Variants in GPATCH2 observed in about 807,000 individuals in gnomAD.
GPATCH2 encodes G patch domain-containing protein 2.
A neutral mutation model predicts 58.0 loss-of-function variants in GPATCH2; 51 were observed. The ratio of observed to expected loss-of-function variants is 0.88; its 90% confidence interval spans 0.70 to 1.11. GPATCH2 has a LOEUF of 1.11. Ranked by LOEUF, GPATCH2 falls within the 50% of genes most tolerant of loss-of-function variation. The pLI, the probability that GPATCH2 is intolerant of heterozygous loss-of-function variation, is 0.00. For synonymous variants in GPATCH2, 222 were observed against 218.5 expected, an observed-to-expected ratio of 1.02 and a Z score of -0.14; for missense variants, 625 against 652.2, an observed-to-expected ratio of 0.96 and a Z score of 0.45.
At chr1:217,452,347 T>C (rs1347732897) in intron 8 of GPATCH2, among the ~76,000 whole-genome samples, 2 of 152,212 alleles carry the variant, frequency 1.3e-5, no homozygotes, top group East Asian at 3.8e-4. Flanking sequence ...TGATTTCAGA[T>C]ACTTTTAAAG....
intron 8 of GPATCH2, among the ~76,000 whole-genome samples, chr1:217,473,600 A>C (rs1003080291): frequency 6.6e-6 from 1 of 152,050 alleles, no homozygotes; most frequent in African/African-American, 2.4e-5. Context: ...CTAAGATAAA[A>C]CTTCATAGCA....
At chr1:217,469,910 T>C (rs888886832) in intron 8 of GPATCH2, among the ~76,000 whole-genome samples, 2 of 152,190 alleles carry the variant, frequency 1.3e-5, no homozygotes, top group Non-Finnish European at 2.9e-5. Context: ...AATATTAATT[T>C]CTACAGTGAT....
At chr1:217,548,313 A>C (rs1466268358) in intron 5 of GPATCH2, among the ~76,000 whole-genome samples, 1 of 152,126 alleles carries the variant, frequency 6.6e-6, no homozygotes, top group Non-Finnish European at 1.5e-5. Context: ...TGGGTACTAG[A>C]TGTAATACCT....
chr1:217,511,197 C>G (rs1662832139), intron 6 of GPATCH2, among the ~76,000 whole-genome samples: 1 of 152,114 alleles, frequency 6.6e-6, no homozygotes, highest in Non-Finnish European at 1.5e-5. Flanking sequence ...TCATTAAATT[C>G]AATCCCTCCA....
intron 5 of GPATCH2, among the ~76,000 whole-genome samples, chr1:217,590,461 T>C (rs572043665): frequency 6.6e-6 from 1 of 152,302 alleles, no homozygotes; most frequent in East Asian, 1.9e-4. Context: ...TCTACCACCT[T>C]AAGGTTGCAT....
chr1:217,466,406 G>A (rs1660450288), intron 8 of GPATCH2, among the ~76,000 whole-genome samples: 1 of 151,846 alleles, frequency 6.6e-6, no homozygotes, highest in African/African-American at 2.4e-5. Flanking sequence ...CTTCCTTTTT[G>A]TGGAGAATGG....
In GPATCH2 at chr1:217,454,981, A is replaced by G. The variant is rs2102478581; in HGVS notation, c.1278-5644T>C. Among the ~76,000 whole-genome samples, 2 of 152,042 alleles carry G rather than the reference A, an allele frequency of 1.3e-5. 1 individual carries two copies. On this transcript the variant is annotated intron_variant, in intron 8 of 9. Coordinates refer to ENST00000366935, the MANE Select transcript of GPATCH2 (RefSeq NM_018040.5). ...CTTTCAAAGCAGCTTTTTGTGCATG[A>G]TCTCTTTGGACATTCATAGCAACCC...
chr1:217,547,046 CT>C (rs1287579041), intron 5 of GPATCH2, among the ~76,000 whole-genome samples: 1 of 152,070 alleles, frequency 6.6e-6, no homozygotes, highest in African/African-American at 2.4e-5. Context: ...CAATGAGATA[CT>C]ATCTCACACC....
chr1:217,476,093 C>T (rs1488614709), intron 8 of GPATCH2, among the ~76,000 whole-genome samples: 2 of 151,336 alleles, frequency 1.3e-5, no homozygotes, highest in Non-Finnish European at 2.9e-5. Flanking sequence ...GCACATAGAA[C>T]AAAAAGCAAA....
chr1:217,494,700 C>T (rs192897377), intron 7 of GPATCH2, among the ~76,000 whole-genome samples: 7 of 151,848 alleles, frequency 4.6e-5, no homozygotes, highest in East Asian at 1.9e-4. Context: ...GCCGAGATTG[C>T]GCCACTGCAC....
chr1:217,435,531 C>T (rs1658782766), intron 9 of GPATCH2, among the ~76,000 whole-genome samples: 1 of 152,226 alleles, frequency 6.6e-6, no homozygotes, highest in African/African-American at 2.4e-5. Context: ...GTGACACATG[C>T]TGCTTCCCAT....
chr1:217,490,688 T>C (rs2818974), intron 8 of GPATCH2, among the ~76,000 whole-genome samples: 1 of 152,074 alleles, frequency 6.6e-6, no homozygotes, highest in African/African-American at 2.4e-5. Flanking sequence ...TTTTATGGTG[T>C]TTTGTTGCTT....
chr1:217,631,026 T>C lies in GPATCH2; in HGVS notation c.-55A>G. 6.7e-7 allele frequency: 1 copy of C among 1,487,996 alleles called. No homozygotes were observed. The highest frequency in any genetic ancestry group is 1.2e-5 in the South Asian group (1 of 84,362). 92.2% of individuals were successfully genotyped at this position (1,487,996 alleles called of 1,614,324 possible). A position where few individuals can be genotyped will look rare whatever the true frequency, so the allele number is the denominator to read the frequency against. ...CTCAGGCCCGTGAACAGACTCCAAC[T>C]ACAACAGCACCGGCGACTTCCAAAG... is the stretch of plus-strand genomic sequence containing the variant. On this transcript the variant is annotated 5_prime_UTR_variant, in exon 1 of 10. Coordinates refer to ENST00000366935, the MANE Select transcript of GPATCH2 (RefSeq NM_018040.5).
At chr1:217,606,961 G>A (rs563325334) in intron 5 of GPATCH2, among the ~76,000 whole-genome samples, 3 of 151,936 alleles carry the variant, frequency 2.0e-5, no homozygotes, top group Non-Finnish European at 4.4e-5. Flanking sequence ...AAGTATTGTT[G>A]GTATTAAACA....
At chr1:217,571,968 G>GGAAA (rs1297188328) in intron 5 of GPATCH2, among the ~76,000 whole-genome samples, 5 of 129,020 alleles carry the variant, frequency 3.9e-5, no homozygotes, top group African/African-American at 6.1e-5. Flanking sequence ...AAGGAAGGAA[G>GGAAA]GAAAGAAAGA....
chr1:217,563,074 G>C (rs1325790887), intron 5 of GPATCH2, among the ~76,000 whole-genome samples: 1 of 152,162 alleles, frequency 6.6e-6, no homozygotes, highest in Non-Finnish European at 1.5e-5. Flanking sequence ...CCAGTTGTCT[G>C]ATATTTATTC....
At chr1:217,494,659 G>A (rs989483774) in intron 7 of GPATCH2, among the ~76,000 whole-genome samples, 4 of 152,096 alleles carry the variant, frequency 2.6e-5, no homozygotes, top group African/African-American at 7.2e-5. Context: ...CATGAGAATC[G>A]TTTGAACTCG....
intron 5 of GPATCH2, among the ~76,000 whole-genome samples, chr1:217,557,768 T>C (rs1665717758): frequency 6.6e-6 from 1 of 152,224 alleles, no homozygotes; most frequent in Admixed American, 6.5e-5. Flanking sequence ...CTTGTTCTGT[T>C]CCACTTGTTT....
At chr1:217,477,688 G>A (rs542577034) in intron 8 of GPATCH2, among the ~76,000 whole-genome samples, 51 of 152,310 alleles carry the variant, frequency 3.3e-4, no homozygotes, top group Non-Finnish European at 5.3e-4. Flanking sequence ...GGGGAGGAAA[G>A]AGTGGGAAGG....
Sources: allele counts gnomAD v4.1 joint callset (sites outside exome capture counted in the v4.1 genomes callset), GRCh38; gene constraint gnomAD v4.1.1; transcripts MANE v1.5; gene names NCBI Gene and HGNC (gene_info 2026-07-23, HGNC 2026-07-21).